SLC10A7: variants seen among roughly 807,000 people sequenced by gnomAD.
SLC10A7 encodes sodium/bile acid cotransporter 7.
SLC10A7 carries 29 observed loss-of-function variants against 43.2 expected under a neutral mutation model. The observed-to-expected ratio is 0.67, with a 90% CI of 0.50 to 0.92. SLC10A7 has a LOEUF of 0.92. Ranked by LOEUF, SLC10A7 falls within the 40% of genes least tolerant of loss-of-function variation. The pLI is 0.00. For missense variants in SLC10A7, 295 were observed against 403.2 expected (o/e 0.73, Z 2.30); for synonymous variants, 152 against 144.8 (o/e 1.05, Z -0.35).
intron 2 of SLC10A7, chr4:146,514,241 G>C (rs1737744936): frequency 6.6e-6 from 1 of 152,156 alleles, no homozygotes; most frequent in Admixed American, 6.6e-5. Flanking sequence ...ATAAAAGCCT[G>C]CATCTTCTGC....
intron 5 of SLC10A7, among the ~76,000 whole-genome samples, chr4:146,351,973 T>A (rs1402951213): frequency 8.4e-6 from 1 of 118,358 alleles, no homozygotes; most frequent in African/African-American, 4.0e-5. Flanking sequence ...AGAAACTGCA[T>A]CAACTAACAA....
chr4:146,489,992 G>A (rs749600885), intron 4 of SLC10A7, among the ~76,000 whole-genome samples: 3 of 151,660 alleles, frequency 2.0e-5, no homozygotes, highest in Non-Finnish European at 4.4e-5. Context: ...TTTTTTCAAG[G>A]GAGCTACATA....
intron 4 of SLC10A7, among the ~76,000 whole-genome samples, chr4:146,499,925 T>C (rs1005041888): frequency 7.2e-5 from 11 of 152,188 alleles, no homozygotes; most frequent in Non-Finnish European, 1.3e-4. Flanking sequence ...AAATGTGAAC[T>C]TTGGCCAAAA....
intron 5 of SLC10A7, among the ~76,000 whole-genome samples, chr4:146,385,746 C>A (rs147996639): frequency 6.6e-6 from 1 of 152,232 alleles, no homozygotes; most frequent in Non-Finnish European, 1.5e-5. Flanking sequence ...ACTCTTGCCC[C>A]CTTCCTCCCT....
intron 5 of SLC10A7, among the ~76,000 whole-genome samples, chr4:146,340,547 A>AGC (rs150987231): frequency 0.047 from 7,115 of 151,652 alleles, 198 homozygotes; most frequent in Middle Eastern, 0.086. Flanking sequence ...AGAGAGAGAG[A>AGC]GAGAGAGAGA....
chr4:146,368,815 T>C (rs1736568654), intron 5 of SLC10A7, among the ~76,000 whole-genome samples: 1 of 152,184 alleles, frequency 6.6e-6, no homozygotes. Flanking sequence ...AAAAGACAAC[T>C]CCTACTAGTT....
rs780647325 is a variant in SLC10A7 at position 146,293,032 on chromosome 4, AGCATACTTATTG to A, written c.722-64_722-53del. On this transcript the variant is annotated intron_variant, in intron 8 of 11. Transcript: ENST00000335472. ...TTAGCACTCTAAAAGCAGTATTTGT[AGCATACTTATTG>A]GTATACTTGTTTTATCTAAAATTTA... 68 of 1,186,186 alleles carry A rather than the reference AGCATACTTATTG, an allele frequency of 5.7e-5. No homozygotes were observed. In the South Asian group the frequency reaches 9.2e-4, roughly 16 times the overall value. The allele number at this position is 1,186,186 out of a possible 1,614,324, so 73.5% of individuals were successfully genotyped here.
At chr4:146,365,821 C>T (rs1736350898) in intron 5 of SLC10A7, among the ~76,000 whole-genome samples, 1 of 152,198 alleles carries the variant, frequency 6.6e-6, no homozygotes, top group African/African-American at 2.4e-5. Flanking sequence ...TCCTCTTCAG[C>T]AGGGGTCCCC....
In SLC10A7 at chr4:146,307,541, A is replaced by G. The variant is rs142829855; in HGVS notation, c.472-1532T>C. On this transcript the variant is annotated intron_variant, in intron 6 of 11. Transcript: ENST00000335472. ...TAACAAATACATTCTCTCCACAAAT[A>G]TTAACCCTAAGGATATTCCTGGGGC... is the stretch of plus-strand genomic sequence containing the variant. Among the ~76,000 whole-genome samples the G allele has an allele frequency of 3.0e-3, 452 of 152,300 alleles. 2 individuals carry two copies. The highest frequency in any genetic ancestry group is 6.8e-3 in the Middle Eastern group (2 of 294).
chr4:146,457,972 A>G (rs1017732797), intron 4 of SLC10A7, among the ~76,000 whole-genome samples: 1 of 151,920 alleles, frequency 6.6e-6, no homozygotes, highest in African/African-American at 2.4e-5. Context: ...AAATTCGCCA[A>G]ATCATTTTAC....
intron 10 of SLC10A7, among the ~76,000 whole-genome samples, chr4:146,267,747 G>A (rs1578743525): frequency 6.6e-6 from 1 of 152,144 alleles, no homozygotes; most frequent in Non-Finnish European, 1.5e-5. Flanking sequence ...AAAATGAGGT[G>A]TGGCTAAATG....
chr4:146,410,193 A>T (rs1320486020), intron 5 of SLC10A7, among the ~76,000 whole-genome samples: 1 of 152,182 alleles, frequency 6.6e-6, no homozygotes, highest in Admixed American at 6.6e-5. Context: ...CAGTTCTAAC[A>T]TTAGTATTAA....
At chr4:146,445,490 G>T (rs1333066946) in intron 4 of SLC10A7, among the ~76,000 whole-genome samples, 1 of 152,190 alleles carries the variant, frequency 6.6e-6, no homozygotes, top group Non-Finnish European at 1.5e-5. Flanking sequence ...TGCCATCCAG[G>T]AGGGGGTGTC....
intron 5 of SLC10A7, among the ~76,000 whole-genome samples, chr4:146,356,051 A>T (rs7666620): frequency 0.38 from 53,070 of 139,870 alleles, 10,348 homozygotes; most frequent in African/African-American, 0.51. Context: ...AAAAAAAAAA[A>T]ATATATATAT....
rs1738329096 is a variant in SLC10A7, at chr4:146,390,282, G to C, written c.435+52501C>G. 2.6e-5 allele frequency among the ~76,000 whole-genome samples: 4 copies of C among 152,074 alleles called. No homozygotes were observed. In the South Asian group the frequency reaches 8.3e-4, roughly 31 times the overall value. On this transcript the variant is annotated intron_variant, in intron 5 of 11. Coordinates refer to ENST00000335472, the MANE Select transcript of SLC10A7 (RefSeq NM_001029998.6). ...TACTGTAAAGCTAATAGTTATTAAAGGCTTAACATTAGGCATGGGGCAGTT... is the reference window on the plus strand; with the variant it reads ...TACTGTAAAGCTAATAGTTATTAAACGCTTAACATTAGGCATGGGGCAGTT...
intron 4 of SLC10A7, among the ~76,000 whole-genome samples, chr4:146,469,883 C>T (rs540648641): frequency 2.0e-5 from 3 of 152,246 alleles, no homozygotes; most frequent in South Asian, 4.2e-4. Context: ...CCTCCCGCCT[C>T]GGCCACCTCC....
At chr4:146,441,709 A>T (rs1730618156) in intron 5 of SLC10A7, 1 of 985,248 alleles carries the variant, frequency 1.0e-6, no homozygotes. Flanking sequence ...GAAGTAATAC[A>T]GCATCACAAA....
chr4:146,313,893 T>G (rs537037503), intron 6 of SLC10A7, among the ~76,000 whole-genome samples: 1 of 152,328 alleles, frequency 6.6e-6, no homozygotes, highest in African/African-American at 2.4e-5. Context: ...AAATACGTTT[T>G]AAGTTTCTTC....
intron 5 of SLC10A7, among the ~76,000 whole-genome samples, chr4:146,401,054 C>A (rs1290264827): frequency 6.6e-6 from 1 of 152,138 alleles, no homozygotes; most frequent in Non-Finnish European, 1.5e-5. Flanking sequence ...CACTGGATGA[C>A]CCCAAGATTC....
Sources: allele counts gnomAD v4.1 joint callset (sites outside exome capture counted in the v4.1 genomes callset), GRCh38; gene constraint gnomAD v4.1.1; transcripts MANE v1.5; gene names NCBI Gene and HGNC (gene_info 2026-07-23, HGNC 2026-07-21).